MICU3: variants seen among roughly 807,000 people sequenced by gnomAD.
MICU3 encodes mitochondrial calcium uptake 3.
Under a neutral mutation model 66.5 loss-of-function variants are expected in MICU3, and 62 were observed. The observed-to-expected ratio is 0.93, with a 90% CI of 0.76 to 1.15. The LOEUF is 1.15. MICU3 is among the 50% of genes most tolerant of loss of function. The pLI is 0.00. For synonymous variants in MICU3, 308 were observed against 240.7 expected, an observed-to-expected ratio of 1.28 and a Z score of -2.59; for missense variants, 779 against 664.4, an observed-to-expected ratio of 1.17 and a Z score of -1.90.
In MICU3 at chr8:17,042,151, G is replaced by A. The variant is rs115340147; in HGVS notation, c.381+14491G>A. Among the ~76,000 whole-genome samples the A allele has an allele frequency of 6.6e-3, 998 of 152,036 alleles. 11 individuals carry two copies. Among genetic ancestry groups the A allele is most frequent in the African/African-American group, 0.023 (961 of 41,478 alleles). The stretch of plus-strand genomic sequence containing the variant: ...GTTGATGTTATCTCTTTTTTGATTT[G>A]TATAAACCTTAGTAATCTGATCTAA... On this transcript the variant is annotated intron_variant, in intron 1 of 14. Transcript: ENST00000318063.
At chr8:17,088,957 A>C (rs1799760875) in intron 7 of MICU3, among the ~76,000 whole-genome samples, 1 of 152,002 alleles carries the variant, frequency 6.6e-6, no homozygotes, top group Non-Finnish European at 1.5e-5. Flanking sequence ...AAATTATACC[A>C]GCATACCCTA....
chr8:17,066,368 G>T (rs1585308923), intron 2 of MICU3, among the ~76,000 whole-genome samples: 1 of 151,384 alleles, frequency 6.6e-6, no homozygotes, highest in East Asian at 1.9e-4. Flanking sequence ...CATCTCCAAG[G>T]TAGAATATGG....
At chr8:17,114,901 C>T (rs957092758) in intron 12 of MICU3, among the ~76,000 whole-genome samples, 69 of 151,984 alleles carry the variant, frequency 4.5e-4, no homozygotes, top group Admixed American at 7.9e-4. Context: ...GGGCGGATCA[C>T]GAGGTCAGGA....
At position 17,063,277 on chromosome 8, in the gene MICU3, A is replaced by G. The variant is rs1373791853; in HGVS notation, c.382-807A>G. Among the ~76,000 whole-genome samples the G allele has an allele frequency of 5.3e-5, 8 of 152,302 alleles. No homozygotes were observed. In the East Asian group the frequency reaches 5.8e-4, roughly 11 times the overall value. ...CATAGAAAAATGGCCCTGATAATTG[A>G]TAAGTGAAAAAGATCAGGTTATTGA... On this transcript the variant is annotated intron_variant, in intron 1 of 14. Coordinates refer to ENST00000318063, the MANE Select transcript of MICU3 (RefSeq NM_181723.3).
At chr8:17,119,556 G>GATAGATAGATAA (rs1554541274) in intron 14 of MICU3, among the ~76,000 whole-genome samples, 13,672 of 151,002 alleles carry the variant, frequency 0.091, 1,115 homozygotes, top group African/African-American at 0.22. Context: ...TAGATAGATA[G>GATAGATAGATAA]ATAGATAGAT....
chr8:17,055,994 C>G (rs559520919), intron 1 of MICU3, among the ~76,000 whole-genome samples: 7 of 152,168 alleles, frequency 4.6e-5, no homozygotes, highest in African/African-American at 1.7e-4. Flanking sequence ...CCTGCCTGTA[C>G]GTTCAACCTC....
chr8:17,052,485 C>T (rs1447560072), intron 1 of MICU3, among the ~76,000 whole-genome samples: 1 of 152,104 alleles, frequency 6.6e-6, no homozygotes, highest in Non-Finnish European at 1.5e-5. Context: ...ACTCATTAAC[C>T]AATCTGTCTT....
chr8:17,110,164 CTGTT>C (rs1802067441), intron 11 of MICU3, among the ~76,000 whole-genome samples: 1 of 152,114 alleles, frequency 6.6e-6, no homozygotes, highest in Admixed American at 6.6e-5. Context: ...TTCTGAACGT[CTGTT>C]TGTATTTAGT....
chr8:17,102,606 T>C (rs1230608198), intron 9 of MICU3: 1 of 151,964 alleles, frequency 6.6e-6, no homozygotes, highest in African/African-American at 2.4e-5. Context: ...GGGACAGTAA[T>C]GCCTTTGAGA....
intron 11 of MICU3, among the ~76,000 whole-genome samples, chr8:17,108,635 C>T (rs1231150840): frequency 6.6e-6 from 1 of 152,186 alleles, no homozygotes. Flanking sequence ...CTCCTAGCCA[C>T]CTCCACTGCT....
chr8:17,029,255 C>A (rs978057719), intron 1 of MICU3, among the ~76,000 whole-genome samples: 4 of 152,220 alleles, frequency 2.6e-5, no homozygotes, highest in Non-Finnish European at 5.9e-5. Flanking sequence ...GCAAGCAGAT[C>A]ACCTGAGGTC....
chr8:17,096,195 C>T (rs1456106668), intron 8 of MICU3, among the ~76,000 whole-genome samples: 2 of 151,878 alleles, frequency 1.3e-5, no homozygotes, highest in African/African-American at 4.8e-5. Flanking sequence ...TTGTCTGTTT[C>T]ACAGCCATCA....
chr8:17,072,109 C>A (rs1384482205), intron 3 of MICU3, among the ~76,000 whole-genome samples: 1 of 151,778 alleles, frequency 6.6e-6, no homozygotes, highest in South Asian at 2.1e-4. Flanking sequence ...GGAAAAAAAA[C>A]CATTGAGATG....
At chr8:17,079,245 A>G (rs1235401694) in intron 4 of MICU3, among the ~76,000 whole-genome samples, 2 of 152,166 alleles carry the variant, frequency 1.3e-5, no homozygotes, top group Non-Finnish European at 2.9e-5. Context: ...CTAGCCGCAT[A>G]TGGCTGTTGA....
intron 1 of MICU3, among the ~76,000 whole-genome samples, chr8:17,047,079 G>T (rs543000821): frequency 6.6e-6 from 1 of 152,254 alleles, no homozygotes; most frequent in East Asian, 1.9e-4. Flanking sequence ...TGAATGATTG[G>T]ATTCCTAACA....
At chr8:17,137,674 C>T in the MICU3 span, among the ~76,000 whole-genome samples, 2 of 142,072 alleles carry the variant, frequency 1.4e-5, no homozygotes, top group African/African-American at 2.6e-5. Context: ...TGGTAAGAAA[C>T]AGACAAGGGA....
rs1563400692 is a variant in MICU3 at position 17,116,515 on chromosome 8, A to G, written c.1439A>G (p.Lys480Arg). The part of the protein sequence containing the change: ...FSPHLVNTVF[K>R]IFDVDKDDQL... Reference sequence around the variant, plus strand: ...CCACATTTAGTGAACACTGTCTTCAAGATTTTTGATGTTGACAAAGATGAT... The same window carrying G: ...CCACATTTAGTGAACACTGTCTTCAGGATTTTTGATGTTGACAAAGATGAT... Residue 480 changes from lysine (K) to arginine (R), a missense_variant, in exon 13 of 15, where the codon AAG becomes AGG. Lys to Arg is a conservative substitution (Grantham distance 26). Coordinates refer to ENST00000318063, the MANE Select transcript of MICU3 (RefSeq NM_181723.3). 2 of 1,569,542 alleles carry G rather than the reference A, an allele frequency of 1.3e-6. No homozygotes were observed. Among genetic ancestry groups the G allele is most frequent in the East Asian group, 4.7e-5 (2 of 42,862 alleles).
intron 1 of MICU3, among the ~76,000 whole-genome samples, chr8:17,052,332 C>A (rs986524861): frequency 6.6e-6 from 1 of 152,048 alleles, no homozygotes; most frequent in African/African-American, 2.4e-5. Context: ...TCCCCTTGAA[C>A]ATTTATCATT....
intron 1 of MICU3, among the ~76,000 whole-genome samples, chr8:17,054,391 A>G (rs1313419754): frequency 6.6e-6 from 1 of 152,194 alleles, no homozygotes; most frequent in Admixed American, 6.5e-5. Flanking sequence ...TTATATACAT[A>G]TATGTATTTG....
Sources: allele counts gnomAD v4.1 joint callset (sites outside exome capture counted in the v4.1 genomes callset), GRCh38; gene constraint gnomAD v4.1.1; transcripts MANE v1.5; gene names NCBI Gene and HGNC (gene_info 2026-07-23, HGNC 2026-07-21).